Variants in NTRK1 observed in about 807,000 individuals in gnomAD.
The protein encoded by NTRK1 is high affinity nerve growth factor receptor.
In NTRK1, 62 loss-of-function variants were observed where a neutral mutation model predicts 86.8. The observed-to-expected ratio is 0.71, with a 90% CI of 0.58 to 0.88. The LOEUF (loss-of-function observed/expected upper bound fraction) is 0.88, where lower values mean the gene tolerates loss of function less well. Among genes scored for constraint, NTRK1 ranks in the 40% least tolerant of loss-of-function variants. The pLI is 0.00. For missense variants in NTRK1, 967 were observed against 1,078.4 expected (o/e 0.90, Z 1.45); for synonymous variants, 469 against 456.6 (o/e 1.03, Z -0.35).
chr1:156,844,348 C>T, intron 2 of NTRK1: 24 of 1,555,526 alleles, frequency 1.5e-5, no homozygotes, highest in Non-Finnish European at 1.9e-5. Context: ...TCATGCTTCT[C>T]TTTCCATGCT....
Position 156,827,230 on chromosome 1 carries a change from T to C in NTRK1, c.-64+11392T>C, listed in dbSNP as rs548909507. ...CCAAATAGCCGGGACCACAGGTGCA[T>C]GCCACCACACCCAATTAATTTTTAT... On this transcript the variant is annotated intron_variant, in intron 1 of 16. Coordinates refer to the NTRK1 transcript ENST00000392302. Among the ~76,000 whole-genome samples, 3 of 151,376 alleles carry C rather than the reference T, an allele frequency of 2.0e-5. No individual in the cohort carries two copies. In the South Asian group the frequency reaches 6.3e-4, roughly 32 times the overall value.
In NTRK1 at chr1:156,852,373, T is replaced by C. The variant is rs185239181; in HGVS notation, c.50+10180T>C. On this transcript the variant is annotated intron_variant, in intron 2 of 16. Coordinates refer to the NTRK1 transcript ENST00000392302. ...CGATGGGATTCTTGAGGACAAGGAC[T>C]GTGGCCGTCTGTGGCTCCCCACCTC... Among the ~76,000 whole-genome samples, 272 of 152,376 alleles carry C rather than the reference T, an allele frequency of 1.8e-3. 1 individual carries two copies. Among genetic ancestry groups the C allele is most frequent in the African/African-American group, 6.3e-3 (261 of 41,592 alleles).
chr1:156,851,382 A>G (rs1171479476), intron 2 of NTRK1: 1 of 1,614,072 alleles, frequency 6.2e-7, no homozygotes, highest in Admixed American at 1.7e-5. Flanking sequence ...TGAGGAAGCC[A>G]GTAATGGTTT....
At chr1:156,879,812 T>C (rs973617916) in intron 15 of NTRK1, among the ~76,000 whole-genome samples, 187 bp from the exon 16 acceptor site, 6 of 152,096 alleles carry the variant, frequency 3.9e-5, no homozygotes, top group African/African-American at 9.7e-5. Context: ...GGTTTCACCA[T>C]GTTGGCCAGG....
chr1:156,848,176 C>T (rs924679784), intron 2 of NTRK1, among the ~76,000 whole-genome samples: 1 of 152,094 alleles, frequency 6.6e-6, no homozygotes, highest in Non-Finnish European at 1.5e-5. Flanking sequence ...GAGTGGGTCT[C>T]CTACAACTGA....
intron 5 of NTRK1, 29 bp from the exon 6 acceptor site, chr1:156,868,476 C>CT: frequency 6.4e-7 from 1 of 1,552,560 alleles, no homozygotes; most frequent in Non-Finnish European, 8.7e-7. Flanking sequence ...TCTAACACCC[C>CT]TTGGCCCTCG....
At chr1:156,869,137 T>C (rs1291009980) in intron 6 of NTRK1, among the ~76,000 whole-genome samples, 1 of 151,476 alleles carries the variant, frequency 6.6e-6, no homozygotes, top group African/African-American at 2.4e-5. Context: ...AGTGGCGCGA[T>C]CTTGACTCAC....
chr1:156,854,055 C>T lies in NTRK1; in HGVS notation c.51-10299C>T. On this transcript the variant is annotated intron_variant, in intron 2 of 16. Transcript: ENST00000392302. The surrounding 1 kb of genome is among the most constrained non-coding windows in gnomAD (Gnocchi z 4.2). ...ATCTCAAAGATGACCAGTGCATAGC[C>T]CAGGAAGAGGCGCGTCCCGCGGATG... 6.2e-7 allele frequency: 1 copy of T among 1,614,122 alleles called. No individual in the cohort carries two copies. Among genetic ancestry groups the T allele is most frequent in the Non-Finnish European group, 8.5e-7 (1 of 1,180,054 alleles).
At chr1:156,879,777 A>AT (rs1202543865) in intron 15 of NTRK1, among the ~76,000 whole-genome samples, 1 of 151,766 alleles carries the variant, frequency 6.6e-6, no homozygotes, top group Non-Finnish European at 1.5e-5. Flanking sequence ...CGCCCAACTA[A>AT]TTTTTGTATT....
chr1:156,823,829 G>A (rs1654251066), intron 1 of NTRK1, among the ~76,000 whole-genome samples: 1 of 152,202 alleles, frequency 6.6e-6, no homozygotes, highest in Admixed American at 6.5e-5. Flanking sequence ...CATACAGGTG[G>A]CGGAAAGGAA....
In NTRK1 at chr1:156,818,570, C is replaced by T. The variant is rs974760230; in HGVS notation, c.-64+2732C>T. Among the ~76,000 whole-genome samples the T allele has an allele frequency of 2.6e-5, 4 of 152,158 alleles. No homozygotes were observed. The East Asian group carries it at 5.8e-4, about 22-fold the overall frequency. ...GCTCCCACTAATAAGTGAGAACATA[C>T]GATATTTGATTTTCCATTCCTGAGT... On this transcript the variant is annotated intron_variant, in intron 1 of 16. Coordinates refer to the NTRK1 transcript ENST00000392302.
At chr1:156,829,229 A>G (rs910604557) in intron 1 of NTRK1, among the ~76,000 whole-genome samples, 2 of 152,186 alleles carry the variant, frequency 1.3e-5, no homozygotes, top group African/African-American at 2.4e-5. Context: ...CCATGAGGTG[A>G]CAGGTGAGAA....
At chr1:156,838,302 G>A (rs753041236) in intron 1 of NTRK1, among the ~76,000 whole-genome samples, 1 of 151,654 alleles carries the variant, frequency 6.6e-6, no homozygotes, top group Non-Finnish European at 1.5e-5. Flanking sequence ...AGGCCACAGG[G>A]ACAGTTTTGA....
intron 8 of NTRK1, 137 bp downstream of exon 8, chr1:156,874,096 G>T (rs1157505662): frequency 1.0e-6 from 1 of 966,570 alleles, no homozygotes. Context: ...CTGGTGTCCC[G>T]CTGTTCTGGC....
intron 1 of NTRK1, among the ~76,000 whole-genome samples, chr1:156,829,807 C>T (rs1285446714): frequency 4.6e-5 from 7 of 152,116 alleles, no homozygotes; most frequent in African/African-American, 7.2e-5. Flanking sequence ...TGCCTGCCAC[C>T]GCATCCGGCG....
chr1:156,858,879 C>A, upstream of NTRK1: 1 of 516,736 alleles, frequency 1.9e-6, no homozygotes, highest in Non-Finnish European at 3.5e-6. Context: ...GACAGAGATG[C>A]AGACAGTGAC....
rs1655623769 is a variant in NTRK1 at position 156,861,082 on chromosome 1, T to C, written c.148T>C (p.Cys50Arg). The C allele has an allele frequency of 6.3e-7, 1 of 1,579,572 alleles. No homozygotes were observed. The highest frequency in any genetic ancestry group is 8.6e-7 in the Non-Finnish European group (1 of 1,166,998). Residue 50 changes from cysteine (C) to arginine (R), a missense_variant, in exon 1 of 17, where the codon TGC becomes CGC. By Grantham distance (180) the Cys-to-Arg change is radical. Around this residue, in one of 2 missense-constraint regions of NTRK1, gnomAD observed 330 missense variants for 302.0 expected, o/e 1.09. Coordinates refer to ENST00000524377, the MANE Select transcript of NTRK1 (RefSeq NM_002529.4). ...CCCCCACGGCTCCTCGGGACTGCGA[T>C]GCACCCGGGATGGGGCCCTGGATAG... ...CCPHGSSGLRCTRDGALDSLH... is the reference protein window; with the variant it reads ...CCPHGSSGLRRTRDGALDSLH...
Position 156,881,525 on chromosome 1 carries a change from C to A in NTRK1, c.2274C>A (p.Ala758=), listed in dbSNP as rs774539785. 1 of 1,602,072 alleles carries A rather than the reference C, an allele frequency of 6.2e-7. No individual in the cohort carries two copies. Among genetic ancestry groups the A allele is most frequent in the African/African-American group, 1.3e-5 (1 of 74,858 alleles). The change falls in exon 17 of 17, where the codon GCC becomes GCA. Residue 758 remains alanine, a synonymous_variant. Transcript: ENST00000524377. ...GTGCCTGCCCACCAGAGGTCTACGC[C>A]ATCATGCGGGGCTGCTGGCAGCGGG... ...RPRACPPEVY[A]IMRGCWQREP...
chr1:156,828,288 A>G (rs558973524), intron 1 of NTRK1, among the ~76,000 whole-genome samples: 1 of 152,140 alleles, frequency 6.6e-6, no homozygotes, highest in African/African-American at 2.4e-5. Flanking sequence ...TTTCGAGTTT[A>G]TTTTCTTCAT....
Sources: gnomAD v4.1 joint callset for allele counts (sites outside exome capture counted in the v4.1 genomes callset) on GRCh38, gnomAD v4.1.1 for gene constraint, gnomAD v4.1.1 regional missense constraint, Gnocchi (gnomAD v3.1) non-coding constraint, MANE v1.5 for transcripts, NCBI Gene and HGNC (gene_info 2026-07-23, HGNC 2026-07-21) for gene names.